ZMYND11: variants seen among roughly 807,000 people sequenced by gnomAD.
The protein encoded by ZMYND11 is zinc finger MYND domain-containing protein 11.
A neutral mutation model predicts 84.9 loss-of-function variants in ZMYND11; 9 were observed. The observed-to-expected ratio is 0.11, with a 90% CI of 0.06 to 0.18. The LOEUF (loss-of-function observed/expected upper bound fraction) is 0.18. Among genes scored for constraint, ZMYND11 ranks in the 10% least tolerant of loss-of-function variants. The probability of loss-of-function intolerance (pLI) is 1.00; values close to 1 mark genes in which losing one functional copy is unlikely to be tolerated. For synonymous variants in ZMYND11, 250 were observed against 244.1 expected (o/e 1.02, Z -0.23); for missense variants, 409 against 761.0 (o/e 0.54, Z 5.44).
At chr10:213,179 C>T (rs1945563026) in intron 3 of ZMYND11, among the ~76,000 whole-genome samples, 1 of 152,126 alleles carries the variant, frequency 6.6e-6, no homozygotes, top group Non-Finnish European at 1.5e-5. Context: ...CCATCCACAT[C>T]ACAGACATTG....
At chr10:217,805 A>AT (rs1236189046) in intron 3 of ZMYND11, among the ~76,000 whole-genome samples, 1 of 152,212 alleles carries the variant, frequency 6.6e-6, no homozygotes, top group African/African-American at 2.4e-5. Flanking sequence ...AAAATGACAC[A>AT]TAGAGAAGCT....
chr10:196,442 G>T (rs1003907825), intron 2 of ZMYND11, among the ~76,000 whole-genome samples: 1 of 151,888 alleles, frequency 6.6e-6, no homozygotes, highest in African/African-American at 2.4e-5. Context: ...TTTTATAATC[G>T]AGTTAAAAAT....
At chr10:132,506 G>A (rs1835335197), upstream of ZMYND11, among the ~76,000 whole-genome samples, 1 of 152,030 alleles carries the variant, frequency 6.6e-6, no homozygotes, top group African/African-American at 2.4e-5. Context: ...TTTGAGGGCT[G>A]CCCCGCAGCA....
chr10:246,438 C>G (rs1374565822), intron 10 of ZMYND11, among the ~76,000 whole-genome samples: 1 of 152,162 alleles, frequency 6.6e-6, no homozygotes, highest in Non-Finnish European at 1.5e-5. Flanking sequence ...TGAACTAGGA[C>G]AAGCTAAGCT....
At chr10:208,396 G>C (rs1476791305) in intron 2 of ZMYND11, among the ~76,000 whole-genome samples, 3 of 152,110 alleles carry the variant, frequency 2.0e-5, no homozygotes, top group Non-Finnish European at 4.4e-5. Flanking sequence ...CTACTCATCT[G>C]ACAAAGGGCT....
intron 1 of ZMYND11, among the ~76,000 whole-genome samples, chr10:167,582 T>G (rs1011117864): frequency 6.6e-6 from 1 of 152,158 alleles, no homozygotes; most frequent in Non-Finnish European, 1.5e-5. Flanking sequence ...CTTAATCTAA[T>G]GTACTTTGAT....
chr10:152,224 TTAAGTG>T (rs1840552483), intron 1 of ZMYND11, among the ~76,000 whole-genome samples: 3 of 152,252 alleles, frequency 2.0e-5, no homozygotes, highest in African/African-American at 7.2e-5. Flanking sequence ...AATATGAACT[TTAAGTG>T]TAAATGGGCT....
intron 1 of ZMYND11, among the ~76,000 whole-genome samples, chr10:153,884 C>T (rs1268487402): frequency 6.6e-6 from 1 of 152,198 alleles, no homozygotes; most frequent in Non-Finnish European, 1.5e-5. Context: ...CTTTTGCAGC[C>T]TCCTGATCTG....
chr10:230,497 A>C (rs1379648241), intron 4 of ZMYND11, among the ~76,000 whole-genome samples: 10 of 142,326 alleles, frequency 7.0e-5, no homozygotes, highest in South Asian at 4.5e-4. Context: ...AAAAAAAAAA[A>C]AAAACTACAG....
intron 1 of ZMYND11, among the ~76,000 whole-genome samples, chr10:145,688 A>G (rs11594308): frequency 0.25 from 37,788 of 152,028 alleles, 5,930 homozygotes; most frequent in Non-Finnish European, 0.35. Context: ...GGTTATTTGT[A>G]TATCTTTCTT....
intron 1 of ZMYND11, among the ~76,000 whole-genome samples, chr10:169,563 T>G (rs1352219853): frequency 6.6e-6 from 1 of 151,996 alleles, no homozygotes; most frequent in African/African-American, 2.4e-5. Context: ...GCAACAAGAA[T>G]AAATGGACGA....
chr10:146,755 GGACCCAGTGGGAGA>G (rs781928357), intron 1 of ZMYND11, among the ~76,000 whole-genome samples: 29 of 152,298 alleles, frequency 1.9e-4, no homozygotes, highest in Non-Finnish European at 3.5e-4. Context: ...GTTGTGGGAG[GGACCCAGTGGGAGA>G]TAATTGAATC....
chr10:175,413 C>G (rs1846374494), intron 1 of ZMYND11, among the ~76,000 whole-genome samples: 2 of 152,036 alleles, frequency 1.3e-5, no homozygotes, highest in African/African-American at 2.4e-5. Flanking sequence ...ACTAAAAATA[C>G]AAAAATTACC....
rs76276611 is a variant in ZMYND11 at position 157,145 on chromosome 10, C to T, written c.-20+21586C>T. Among the ~76,000 whole-genome samples, 1,269 of 152,242 alleles carry T rather than the reference C, an allele frequency of 8.3e-3. 14 individuals are homozygous for T. Among genetic ancestry groups the T allele is most frequent in the African/African-American group, 0.029 (1,197 of 41,548 alleles). On this transcript the variant is annotated intron_variant, in intron 1 of 14. Coordinates refer to ENST00000381604, the MANE Select transcript of ZMYND11 (RefSeq NM_001370100.5). ...AATATGGTAAAATGTTAAATTGTAG[C>T]ATAAAAGGTTTATATAATTCTCTCT... is the stretch of plus-strand genomic sequence containing the variant.
At chr10:133,712 C>A (rs137866773), upstream of ZMYND11, among the ~76,000 whole-genome samples, 1 of 152,238 alleles carries the variant, frequency 6.6e-6, no homozygotes, top group Non-Finnish European at 1.5e-5. Context: ...GTTGGAATTC[C>A]TGGCCCAACA....
intron 1 of ZMYND11, among the ~76,000 whole-genome samples, chr10:167,517 C>T (rs1844287075): frequency 6.6e-6 from 1 of 152,054 alleles, no homozygotes; most frequent in Non-Finnish European, 1.5e-5. Context: ...TTCATAATGA[C>T]CTGTTTTGCT....
intron 1 of ZMYND11, among the ~76,000 whole-genome samples, chr10:167,271 AAAAT>A (rs1335094599): frequency 5.3e-5 from 8 of 152,104 alleles, no homozygotes; most frequent in African/African-American, 1.7e-4. Flanking sequence ...TACAGTTTTA[AAAAT>A]AAATAATATT....
intron 2 of ZMYND11, among the ~76,000 whole-genome samples, chr10:195,913 A>G (rs1941617313): frequency 6.6e-6 from 1 of 152,214 alleles, no homozygotes; most frequent in African/African-American, 2.4e-5. Flanking sequence ...GAAGAAGTAA[A>G]TGGGAGGCAT....
rs141894613 is a variant in ZMYND11, at chr10:162,154, G to A, written c.-19-17840G>A. Among the ~76,000 whole-genome samples, 638 of 152,262 alleles carry A rather than the reference G, an allele frequency of 4.2e-3. 3 individuals carry two copies. Among genetic ancestry groups the A allele is most frequent in the African/African-American group, 0.015 (616 of 41,546 alleles). Reference sequence around the variant, plus strand: ...TTATTGTTGTGTCTCAAGGAGGCTCGAGCAGAGGGAGATAGATGGGAGAAT... The same window carrying A: ...TTATTGTTGTGTCTCAAGGAGGCTCAAGCAGAGGGAGATAGATGGGAGAAT... On this transcript the variant is annotated intron_variant, in intron 1 of 14. Coordinates refer to ENST00000381604, the MANE Select transcript of ZMYND11 (RefSeq NM_001370100.5).
Sources: allele counts gnomAD v4.1 joint callset (sites outside exome capture counted in the v4.1 genomes callset), GRCh38; gene constraint gnomAD v4.1.1; transcripts MANE v1.5; gene names NCBI Gene and HGNC (gene_info 2026-07-23, HGNC 2026-07-21).